Variants in LINGO1 observed in about 807,000 individuals in gnomAD.
LINGO1 encodes leucine-rich repeat and immunoglobulin-like domain-containing nogo receptor-interacting protein 1.
A neutral mutation model predicts 37.3 loss-of-function variants in LINGO1; 11 were observed. The observed-to-expected ratio is 0.29, with a 90% CI of 0.19 to 0.49. The LOEUF is 0.49. LINGO1 is among the 20% of genes least tolerant of loss of function. The pLI, the probability that LINGO1 is intolerant of heterozygous loss-of-function variation, is 0.99. For synonymous variants in LINGO1, 387 were observed against 403.0 expected, an observed-to-expected ratio of 0.96 and a Z score of 0.48; for missense variants, 585 against 878.2, an observed-to-expected ratio of 0.67 and a Z score of 4.22.
chr15:77,794,536 A>G, intron 2 of LINGO1, among the ~76,000 whole-genome samples: 1 of 139,456 alleles, frequency 7.2e-6, no homozygotes, highest in Non-Finnish European at 1.5e-5. Flanking sequence ...ATATACATAC[A>G]TATATACGTA....
intron 1 of LINGO1, among the ~76,000 whole-genome samples, chr15:77,691,209 G>A (rs930424014): frequency 4.6e-5 from 7 of 152,332 alleles, no homozygotes; most frequent in Admixed American, 3.9e-4. Context: ...ATAGCCACAT[G>A]TAACCAGTGG....
At chr15:77,686,127 G>T (rs1231100581) in intron 2 of LINGO1, among the ~76,000 whole-genome samples, 1 of 152,174 alleles carries the variant, frequency 6.6e-6, no homozygotes, top group Non-Finnish European at 1.5e-5. Flanking sequence ...GAAGGAGGCA[G>T]AAGATCCTCC....
chr15:77,788,851 C>T (rs1394815907), upstream of LINGO1, among the ~76,000 whole-genome samples: 1 of 152,176 alleles, frequency 6.6e-6, no homozygotes, highest in Non-Finnish European at 1.5e-5. Flanking sequence ...TTCCTCCTAA[C>T]CCAGTGATGG....
chr15:77,615,880 C>T lies in LINGO1; in HGVS notation c.27G>A (p.Ala9=), dbSNP rs765138815. Residue 9 remains alanine (A), a synonymous_variant, in exon 2 of 2, where the codon GCG becomes GCA. Coordinates refer to ENST00000355300, the MANE Select transcript of LINGO1 (RefSeq NM_032808.7). MQVSKRML[A]GGVRSMPSPL... is the part of the protein sequence containing the mutation. ...GGCTGGGCATGCTCCTCACGCCCCC[C>T]GCCAGCATCCTCTTGCTCACCTGCA... 5.9e-5 allele frequency: 87 copies of T among 1,470,678 alleles called. No homozygotes were observed. Among genetic ancestry groups the T allele is most frequent in the African/African-American group, 4.9e-4 (35 of 70,956 alleles). 91.1% of individuals were successfully genotyped at this position (1,470,678 alleles called of 1,614,324 possible). A position where few individuals can be genotyped will look rare whatever the true frequency, so the allele number is the denominator to read the frequency against.
At chr15:77,745,905 A>G (rs2076309659) in intron 1 of LINGO1, among the ~76,000 whole-genome samples, 1 of 152,198 alleles carries the variant, frequency 6.6e-6, no homozygotes, top group East Asian at 1.9e-4. Flanking sequence ...GAAGGGTAAA[A>G]GAGCACCTGA....
intron 2 of LINGO1, among the ~76,000 whole-genome samples, chr15:77,701,835 C>T (rs1031045499): frequency 6.6e-6 from 1 of 152,168 alleles, no homozygotes; most frequent in Non-Finnish European, 1.5e-5. Flanking sequence ...GTACGGCCTG[C>T]AGAACCATGA....
intron 1 of LINGO1, among the ~76,000 whole-genome samples, chr15:77,737,708 CTCTCAGCA>C (rs2076216968): frequency 6.6e-6 from 1 of 151,730 alleles, no homozygotes; most frequent in Non-Finnish European, 1.5e-5. Context: ...GGTCCCTGAG[CTCTCAGCA>C]GCATCTGACA....
chr15:77,657,767 C>T (rs542414199), intron 3 of LINGO1, among the ~76,000 whole-genome samples: 7 of 152,108 alleles, frequency 4.6e-5, no homozygotes, highest in Admixed American at 6.5e-5. Context: ...AGTAGAGATT[C>T]GGGAACAGAT....
Position 77,613,959 on chromosome 15 carries a change from T to G in LINGO1, c.*85A>C. On this transcript the variant is annotated 3_prime_UTR_variant, in exon 2 of 2. Coordinates refer to ENST00000355300, the MANE Select transcript of LINGO1 (RefSeq NM_032808.7). ...CGTGTGTAGAAGGGTAGGGAGGAGGTGGGAAGGACTGGAGAGTGAGCAGGT... is the reference window on the plus strand; with the variant it reads ...CGTGTGTAGAAGGGTAGGGAGGAGGGGGGAAGGACTGGAGAGTGAGCAGGT... 9.2e-7 allele frequency: 1 copy of G among 1,089,260 alleles called. No homozygotes were observed. Among genetic ancestry groups the G allele is most frequent in the Non-Finnish European group, 1.3e-6 (1 of 766,596 alleles). 67.5% of individuals were successfully genotyped at this position (1,089,260 alleles called of 1,614,324 possible).
intron 1 of LINGO1, among the ~76,000 whole-genome samples, chr15:77,817,718 G>C (rs949755634): frequency 6.6e-6 from 1 of 152,166 alleles, no homozygotes; most frequent in Non-Finnish European, 1.5e-5. Flanking sequence ...AAGAAGGCCT[G>C]GGTGTCCTCC....
intron 2 of LINGO1, among the ~76,000 whole-genome samples, chr15:77,733,110 C>T (rs1384631480): frequency 6.6e-6 from 1 of 152,178 alleles, no homozygotes; most frequent in Non-Finnish European, 1.5e-5. Flanking sequence ...ACCCCCACAG[C>T]TCCCCCATCT....
intron 2 of LINGO1, among the ~76,000 whole-genome samples, chr15:77,713,584 T>C (rs57563532): frequency 0.021 from 3,141 of 151,956 alleles, 125 homozygotes; most frequent in African/African-American, 0.072. Context: ...ATTGTGGCGC[T>C]GGATACACAC....
At chr15:77,717,081 CA>C (rs34968270) in intron 2 of LINGO1, among the ~76,000 whole-genome samples, 74,165 of 149,554 alleles carry the variant, frequency 0.5, 20,756 homozygotes, top group Admixed American at 0.63. Flanking sequence ...GCGGGGTGCT[CA>C]AGCTCAGCAC....
chr15:77,713,873 G>C (rs1377336556), intron 2 of LINGO1, among the ~76,000 whole-genome samples: 1 of 152,088 alleles, frequency 6.6e-6, no homozygotes, highest in African/African-American at 2.4e-5. Context: ...TCAGCCTCCT[G>C]TGAAGGTTCC....
intron 1 of LINGO1, among the ~76,000 whole-genome samples, chr15:77,761,691 C>T (rs1349479329): frequency 1.3e-5 from 2 of 152,290 alleles, no homozygotes; most frequent in African/African-American, 4.8e-5. Flanking sequence ...GAAGAAAAGG[C>T]CCCAAGGGCT....
At chr15:77,785,055 GC>G (rs996481746) in intron 1 of LINGO1, 28 of 152,404 alleles carry the variant, frequency 1.8e-4, no homozygotes, top group African/African-American at 6.5e-4. Flanking sequence ...CACGGCCAGG[GC>G]AGGCCAGTCA....
Position 77,746,964 on chromosome 15 carries a change from T to C in LINGO1, c.-256-11911A>G, listed in dbSNP as rs2076320492. Among the ~76,000 whole-genome samples the C allele has an allele frequency of 2.6e-5, 4 of 152,020 alleles. No homozygotes were observed. The South Asian group carries it at 8.3e-4, about 32-fold the overall frequency. On this transcript the variant is annotated intron_variant, in intron 1 of 3. Transcript: ENST00000561686. Reference sequence around the variant, plus strand: ...AACCCCCATTGGACAGATGGGAAAATCTAGGCCAGGAGAGGGCAGGGACTT... The same window carrying C: ...AACCCCCATTGGACAGATGGGAAAACCTAGGCCAGGAGAGGGCAGGGACTT...
intron 1 of LINGO1, among the ~76,000 whole-genome samples, chr15:77,735,818 C>T (rs991468426): frequency 3.9e-5 from 6 of 152,188 alleles, no homozygotes; most frequent in Non-Finnish European, 8.8e-5. Flanking sequence ...AAGCCCACAC[C>T]CTCAAGGAGT....
intron 1 of LINGO1, among the ~76,000 whole-genome samples, chr15:77,814,720 A>G (rs1157910867): frequency 6.6e-6 from 1 of 152,156 alleles, no homozygotes; most frequent in East Asian, 1.9e-4. Flanking sequence ...CAAGATTCAA[A>G]CCCATTTCCA....
Sources: allele counts gnomAD v4.1 joint callset (sites outside exome capture counted in the v4.1 genomes callset), GRCh38; gene constraint gnomAD v4.1.1; transcripts MANE v1.5; gene names NCBI Gene and HGNC (gene_info 2026-07-23, HGNC 2026-07-21).